ARFGEF1: variants seen among roughly 807,000 people sequenced by gnomAD.
The protein encoded by ARFGEF1 is brefeldin A-inhibited guanine nucleotide-exchange protein 1.
A neutral mutation model predicts 231.0 loss-of-function variants in ARFGEF1; 42 were observed. That is an observed-to-expected ratio of 0.18 (90% CI 0.14 to 0.24). ARFGEF1 has a LOEUF of 0.24. ARFGEF1 is among the 10% of genes least tolerant of loss of function. ARFGEF1 has a pLI of 1.00. For missense variants in ARFGEF1, 1,345 were observed against 2,192.0 expected, an observed-to-expected ratio of 0.61 and a Z score of 7.72; for synonymous variants, 710 against 732.3, an observed-to-expected ratio of 0.97 and a Z score of 0.49.
In ARFGEF1 at chr8:67,190,378, A is replaced by G. The variant is rs78453711; in HGVS notation, c.560+10018T>C. 0.021 allele frequency among the ~76,000 whole-genome samples: 3,210 copies of G among 152,310 alleles called. 130 individuals are homozygous for G. The highest frequency in any genetic ancestry group is 0.073 in the African/African-American group (3,028 of 41,546). On this transcript the variant is annotated intron_variant, in intron 5 of 5. Transcript: ENST00000518789. ...TTAGGTAAGGTAAATCTGTTGAAAC[A>G]GAGCCGTGTTTGCCCGGGGCCAGCA...
At chr8:67,313,267 T>C (rs1807154348) in intron 1 of ARFGEF1, among the ~76,000 whole-genome samples, 1 of 152,194 alleles carries the variant, frequency 6.6e-6, no homozygotes, top group Admixed American at 6.5e-5. Context: ...ATTAACCTCC[T>C]GAACTCTTTT....
At chr8:67,299,183 A>ACAG in intron 4 of ARFGEF1, 26 bp downstream of exon 4, 1 of 1,500,258 alleles carries the variant, frequency 6.7e-7, no homozygotes, top group Non-Finnish European at 8.9e-7. Context: ...ATTATTAATA[A>ACAG]CAATTTTACT....
In ARFGEF1 at chr8:67,211,728, T is replaced by A. The variant is rs552616051; in HGVS notation, c.4687-113A>T. The A allele has an allele frequency of 1.2e-5, 7 of 586,210 alleles. No homozygotes were observed. In the East Asian group the frequency reaches 2.4e-4, roughly 20 times the overall value. The allele number at this position is 586,210 out of a possible 1,614,324, so 36.3% of individuals were successfully genotyped here. ...TATTATGTCCCTATGAAAATGATGT[T>A]TTACACATTACAGTTATAACACAAT... On this transcript the variant is annotated intron_variant, in intron 33 of 38. Coordinates refer to ENST00000262215, the MANE Select transcript of ARFGEF1 (RefSeq NM_006421.5).
chr8:67,246,939 A>T (rs898958474), intron 19 of ARFGEF1, among the ~76,000 whole-genome samples: 1 of 150,370 alleles, frequency 6.7e-6, no homozygotes, highest in Non-Finnish European at 1.5e-5. Context: ...CAGAAATTCA[A>T]AGGATTCTTA....
At chr8:67,238,960 CAAACTCTGTTTACTTGTTCAGTAA>C in intron 20 of ARFGEF1, 67 bp from the exon 21 acceptor site, 1 of 1,225,620 alleles carries the variant, frequency 8.2e-7, no homozygotes, top group Non-Finnish European at 1.1e-6. Context: ...TCCCCACCAA[CAAACTCTGTTTACTTGTTCAGTAA>C]GATTTTGTTT....
chr8:67,195,834 A>G, downstream of ARFGEF1: 1 of 464,036 alleles, frequency 2.2e-6, no homozygotes, highest in East Asian at 3.9e-5. Context: ...TAGGGTGGTA[A>G]TGAACTGGAT....
At chr8:67,330,259 A>G (rs1808038820) in intron 1 of ARFGEF1, among the ~76,000 whole-genome samples, 1 of 152,098 alleles carries the variant, frequency 6.6e-6, no homozygotes, top group African/African-American at 2.4e-5. Context: ...TAAGGAAAAC[A>G]ATTCAATAAA....
intron 10 of ARFGEF1, among the ~76,000 whole-genome samples, chr8:67,270,546 A>G (rs554888138): frequency 6.6e-6 from 1 of 152,272 alleles, no homozygotes; most frequent in South Asian, 2.1e-4. Context: ...GAAGGTAAAA[A>G]CTGACAACAT....
chr8:67,233,454 G>A (rs1196115815), intron 22 of ARFGEF1, among the ~76,000 whole-genome samples: 1 of 151,948 alleles, frequency 6.6e-6, no homozygotes, highest in East Asian at 1.9e-4. Flanking sequence ...TTGGAGAGGA[G>A]AATAACAATA....
intron 1 of ARFGEF1, among the ~76,000 whole-genome samples, chr8:67,312,484 A>C (rs1275112377): frequency 6.6e-6 from 1 of 152,100 alleles, no homozygotes; most frequent in African/African-American, 2.4e-5. Flanking sequence ...AAAAATCCTA[A>C]AGGAATAAAG....
At chr8:67,280,498 A>G (rs1805489476) in intron 7 of ARFGEF1, among the ~76,000 whole-genome samples, 1 of 152,212 alleles carries the variant, frequency 6.6e-6, no homozygotes. Context: ...TTTCCAATTA[A>G]AGCCATTACT....
chr8:67,189,705 A>C (rs1835676169), intron 5 of ARFGEF1, among the ~76,000 whole-genome samples: 1 of 152,222 alleles, frequency 6.6e-6, no homozygotes, highest in Admixed American at 6.5e-5. Context: ...TGAGAGACAA[A>C]ATGCCATGAT....
chr8:67,267,275 T>G (rs374983072), intron 11 of ARFGEF1, 45 bp from the exon 12 acceptor site: 2 of 1,600,296 alleles, frequency 1.2e-6, no homozygotes, highest in Admixed American at 3.4e-5. Context: ...ATCTAGGATA[T>G]GAGTACATTT....
chr8:67,318,446 T>C (rs1370837080), intron 1 of ARFGEF1, among the ~76,000 whole-genome samples: 2 of 152,154 alleles, frequency 1.3e-5, no homozygotes, highest in African/African-American at 4.8e-5. Context: ...TACTCAACTT[T>C]GTACTGAACA....
At chr8:67,200,557 T>A in intron 37 of ARFGEF1, 44 bp from the exon 38 acceptor site, 1 of 1,205,278 alleles carries the variant, frequency 8.3e-7, no homozygotes, top group Non-Finnish European at 1.2e-6. Context: ...GCGTATCTAC[T>A]GGTCCCCATA....
chr8:67,234,842 G>C (rs964077845), intron 22 of ARFGEF1, among the ~76,000 whole-genome samples: 1 of 151,974 alleles, frequency 6.6e-6, no homozygotes, highest in Non-Finnish European at 1.5e-5. Context: ...TATAATACAA[G>C]TGAACAAGAA....
intron 4 of ARFGEF1, 69 bp downstream of exon 4, chr8:67,299,140 A>C: frequency 1.5e-6 from 2 of 1,336,760 alleles, no homozygotes. Context: ...CTAATGTTTT[A>C]AGGTGAAAGG....
In ARFGEF1 at chr8:67,291,947, T is replaced by G; in HGVS notation, c.816A>C (p.Val272=). ...CTGTGTCATCCTGAAGACTTTTATC[T>G]ACATCATTTGTATGGAGGTCAAGGT... The part of the protein sequence containing the change: ...EGDLDLHTND[V]DKSLQDDTEP... Residue 272 remains valine (V), a synonymous_variant, in exon 6 of 39, where the codon GTA becomes GTC. Coordinates refer to ENST00000262215, the MANE Select transcript of ARFGEF1 (RefSeq NM_006421.5). 2 of 1,613,988 alleles carry G rather than the reference T, an allele frequency of 1.2e-6. No homozygotes were observed. The highest frequency in any genetic ancestry group is 8.5e-7 in the Non-Finnish European group (1 of 1,179,918).
At position 67,198,939 on chromosome 8, in the gene ARFGEF1, G is replaced by A. The variant is rs764369258; in HGVS notation, c.5545C>T (p.Gln1849Ter). 11 of 1,612,884 alleles carry A rather than the reference G, an allele frequency of 6.8e-6. No individual in the cohort carries two copies. In the South Asian group the frequency reaches 1.1e-4, roughly 16 times the overall value. Residue 1849 changes from glutamine (Q) to a stop codon, truncating the protein, a stop_gained, in exon 39 of 39, where the codon CAA becomes TAA. Coordinates refer to ENST00000262215, the MANE Select transcript of ARFGEF1 (RefSeq NM_006421.5). LOFTEE classifies it high-confidence loss of function. ...ACAAAAATATTAAGTTCCCATCATT[G>A]CTTGTTTATTCCAAGTTCCTGTTCA... ...PPEQELGINK[Q>*]
Sources: gnomAD v4.1 joint callset for allele counts (sites outside exome capture counted in the v4.1 genomes callset) on GRCh38, gnomAD v4.1.1 for gene constraint, MANE v1.5 for transcripts, NCBI Gene and HGNC (gene_info 2026-07-23, HGNC 2026-07-21) for gene names.